The following NTM variants were observed in gnomAD, a reference collection of about 807,000 sequenced individuals.
The protein encoded by NTM is neurotrimin.
A neutral mutation model predicts 42.1 loss-of-function variants in NTM; 13 were observed. That is an observed-to-expected ratio of 0.31 (90% CI 0.20 to 0.49). The LOEUF is 0.49. Among genes scored for constraint, NTM ranks in the 20% least tolerant of loss-of-function variants. The probability of loss-of-function intolerance (pLI) is 0.99; values close to 1 mark genes in which losing one functional copy is unlikely to be tolerated. For synonymous variants in NTM, 187 were observed against 179.2 expected (o/e 1.04, Z -0.35); for missense variants, 373 against 452.8 (o/e 0.82, Z 1.60).
intron 1 of NTM, chr11:131,794,950 G>T (rs533065880): frequency 3.0e-6 from 3 of 985,160 alleles, no homozygotes; most frequent in African/African-American, 1.7e-5. Flanking sequence ...ACCTGAACCC[G>T]CATGTCAGTG....
chr11:132,126,017 G>T (rs77716861), intron 2 of NTM, among the ~76,000 whole-genome samples: 8,954 of 152,054 alleles, frequency 0.059, 403 homozygotes, highest in African/African-American at 0.12. Flanking sequence ...CAGCAAAGGT[G>T]GAGCCTCGCT....
At chr11:131,890,087 C>T (rs1471777858) in intron 1 of NTM, among the ~76,000 whole-genome samples, 2 of 151,922 alleles carry the variant, frequency 1.3e-5, no homozygotes, top group African/African-American at 4.8e-5. Flanking sequence ...AGGCACCTGG[C>T]TACTTTAAGA....
chr11:131,464,347 C>T (rs972165992), intron 1 of NTM, among the ~76,000 whole-genome samples: 3 of 145,232 alleles, frequency 2.1e-5, no homozygotes, highest in Admixed American at 6.7e-5. Context: ...CCCGCAGCAA[C>T]GCAGGGAAAG....
intron 1 of NTM, among the ~76,000 whole-genome samples, chr11:131,823,324 T>C (rs576104323): frequency 1.3e-5 from 2 of 152,310 alleles, no homozygotes; most frequent in African/African-American, 4.8e-5. Context: ...GTTGAATTCA[T>C]CTAAATCTCT....
intron 1 of NTM, among the ~76,000 whole-genome samples, chr11:131,438,455 T>A (rs896357199): frequency 6.6e-6 from 1 of 152,222 alleles, no homozygotes; most frequent in African/African-American, 2.4e-5. Context: ...CATAGTCCCA[T>A]ATTTCTTGGA....
chr11:132,092,716 G>C (rs543784529), intron 2 of NTM, among the ~76,000 whole-genome samples: 1 of 152,234 alleles, frequency 6.6e-6, no homozygotes, highest in South Asian at 2.1e-4. Context: ...AAGATCTACA[G>C]ACCTCTCAAA....
chr11:131,953,565 G>A (rs902300766), intron 2 of NTM, among the ~76,000 whole-genome samples: 1 of 152,162 alleles, frequency 6.6e-6, no homozygotes, highest in African/African-American at 2.4e-5. Flanking sequence ...CCAAAGGAGG[G>A]AGCTTTTTCT....
intron 3 of NTM, among the ~76,000 whole-genome samples, chr11:132,171,399 G>C (rs539424892): frequency 6.6e-6 from 1 of 152,336 alleles, no homozygotes; most frequent in African/African-American, 2.4e-5. Context: ...CAGATTTGGT[G>C]TCTGGCGTGG....
intron 1 of NTM, 34 bp from the exon 2 acceptor site, chr11:131,911,530 G>A (rs747983015): frequency 2.1e-5 from 34 of 1,614,048 alleles, no homozygotes; most frequent in South Asian, 1.9e-4. Flanking sequence ...CCTCGTGGTC[G>A]TGTCTCTCAG....
chr11:131,935,779 A>G (rs112174586), intron 2 of NTM, among the ~76,000 whole-genome samples: 2,508 of 152,310 alleles, frequency 0.016, 68 homozygotes, highest in African/African-American at 0.058. Flanking sequence ...TTAGATCAAA[A>G]TTACAGAAGA....
intron 1 of NTM, among the ~76,000 whole-genome samples, chr11:131,586,540 C>T (rs142062851): frequency 2.7e-3 from 410 of 152,212 alleles, no homozygotes; most frequent in African/African-American, 9.6e-3. Flanking sequence ...TGCTCCTCCT[C>T]CTAGGCAAGA....
rs968150513 is a variant in NTM, at chr11:132,335,436, C to A, written c.*290C>A. 6 of 352,360 alleles carry A rather than the reference C, an allele frequency of 1.7e-5. No homozygotes were observed. Among genetic ancestry groups the A allele is most frequent in the Non-Finnish European group, 3.2e-5 (6 of 188,122 alleles). 21.8% of individuals were successfully genotyped at this position (352,360 alleles called of 1,614,324 possible). A position where few individuals can be genotyped will look rare whatever the true frequency, so the allele number is the denominator to read the frequency against. On this transcript the variant is annotated 3_prime_UTR_variant, in exon 9 of 9. Transcript: ENST00000683400. Reference sequence around the variant, plus strand: ...GGCTTGGACCCACTGCAAGCTGCATCGTGCAACCTCTTTGGTGCCAGTGTG... The same window carrying A: ...GGCTTGGACCCACTGCAAGCTGCATAGTGCAACCTCTTTGGTGCCAGTGTG...
chr11:131,788,809 T>C (rs1269697973), intron 1 of NTM, among the ~76,000 whole-genome samples: 4 of 152,194 alleles, frequency 2.6e-5, no homozygotes, highest in African/African-American at 9.7e-5. Flanking sequence ...CTAGGCAGCA[T>C]TTAGACTTTT....
At chr11:131,784,771 C>T (rs1457958665) in intron 1 of NTM, among the ~76,000 whole-genome samples, 1 of 152,162 alleles carries the variant, frequency 6.6e-6, no homozygotes, top group East Asian at 1.9e-4. Context: ...CAAAATACAC[C>T]TTAATAAAGT....
chr11:132,065,998 G>C (rs975247234), intron 2 of NTM, among the ~76,000 whole-genome samples: 4 of 152,260 alleles, frequency 2.6e-5, no homozygotes, highest in Admixed American at 2.6e-4. Flanking sequence ...AATTGGGGTT[G>C]TGGGGAGTGT....
chr11:131,825,750 G>A (rs1269915867), intron 1 of NTM, among the ~76,000 whole-genome samples: 1 of 152,142 alleles, frequency 6.6e-6, no homozygotes, highest in Non-Finnish European at 1.5e-5. Flanking sequence ...ATGGGTTTGG[G>A]TGATAAAAAG....
intron 1 of NTM, among the ~76,000 whole-genome samples, chr11:131,741,657 CAA>C (rs1204794485): frequency 6.6e-6 from 1 of 152,028 alleles, no homozygotes; most frequent in Non-Finnish European, 1.5e-5. Flanking sequence ...TAAGGAAATT[CAA>C]AGAGAAAGAG....
chr11:131,711,101 A>G (rs1041027974), intron 1 of NTM, among the ~76,000 whole-genome samples: 8 of 152,214 alleles, frequency 5.3e-5, no homozygotes, highest in African/African-American at 1.9e-4. Context: ...CACCAAAAGC[A>G]ATGGCAATAA....
chr11:131,585,896 C>T (rs771880196), intron 1 of NTM, among the ~76,000 whole-genome samples: 6 of 152,278 alleles, frequency 3.9e-5, no homozygotes, highest in Admixed American at 1.3e-4. Context: ...TCCCTGCCCA[C>T]GCAGATTCTC....
Sources: allele counts gnomAD v4.1 joint callset (sites outside exome capture counted in the v4.1 genomes callset), GRCh38; gene constraint gnomAD v4.1.1; transcripts MANE v1.5; gene names NCBI Gene and HGNC (gene_info 2026-07-23, HGNC 2026-07-21).